The following STPG2 variants were observed in gnomAD, a reference collection of about 807,000 sequenced individuals.
The protein encoded by STPG2 is sperm tail PG-rich repeat containing 2, also known as sperm-tail PG-rich repeat-containing protein 2.
In STPG2, 56 loss-of-function variants were observed where a neutral mutation model predicts 54.2. The observed-to-expected ratio is 1.03, with a 90% confidence interval of 0.83 to 1.29. The LOEUF is 1.29. Ranked by LOEUF, STPG2 falls within the 50% of genes most tolerant of loss-of-function variation. The pLI, the probability that STPG2 is intolerant of heterozygous loss-of-function variation, is 0.00. For missense variants in STPG2, 596 were observed against 544.9 expected (o/e 1.09, Z -0.93); for synonymous variants, 200 against 181.8 (o/e 1.10, Z -0.81).
chr4:97,800,019 G>T (rs1317648783), intron 9 of STPG2, among the ~76,000 whole-genome samples: 1 of 152,112 alleles, frequency 6.6e-6, no homozygotes, highest in Admixed American at 6.5e-5. Context: ...TCGTGCCATG[G>T]TTTTCAGTTC....
At chr4:98,007,471 A>G (rs774334776) in intron 5 of STPG2, among the ~76,000 whole-genome samples, 14 of 152,200 alleles carry the variant, frequency 9.2e-5, no homozygotes, top group African/African-American at 1.2e-4. Context: ...TCCTGTCACA[A>G]TGGAAGTGAA....
chr4:97,521,780 C>A (rs759610547), intron 4 of STPG2, among the ~76,000 whole-genome samples: 1 of 151,712 alleles, frequency 6.6e-6, no homozygotes, highest in Non-Finnish European at 1.5e-5. Context: ...CTTCCATGTC[C>A]CAACTTAATT....
chr4:97,925,484 T>C (rs1238327041), intron 8 of STPG2, among the ~76,000 whole-genome samples: 1 of 152,230 alleles, frequency 6.6e-6, no homozygotes, highest in Non-Finnish European at 1.5e-5. Flanking sequence ...ATCATTTATC[T>C]AAAATCCTTT....
At chr4:98,084,790 T>C (rs11947027) in intron 5 of STPG2, among the ~76,000 whole-genome samples, 60,097 of 151,968 alleles carry the variant, frequency 0.4, 12,123 homozygotes, top group Middle Eastern at 0.46. Context: ...ATATTTTGCC[T>C]GTTTTTAATG....
intron 10 of STPG2, among the ~76,000 whole-genome samples, chr4:97,608,937 G>A (rs893438989): frequency 2.0e-5 from 3 of 151,954 alleles, no homozygotes; most frequent in Non-Finnish European, 4.4e-5. Context: ...ACAAACTCTA[G>A]AATTACAGCA....
At chr4:97,475,328 T>C (rs1165152449) in intron 4 of STPG2, among the ~76,000 whole-genome samples, 1 of 151,782 alleles carries the variant, frequency 6.6e-6, no homozygotes, top group Non-Finnish European at 1.5e-5. Context: ...CATTTACCCT[T>C]CCTCCAAATG....
intron 9 of STPG2, among the ~76,000 whole-genome samples, chr4:97,729,210 T>A (rs995517559): frequency 2.0e-5 from 3 of 152,024 alleles, no homozygotes; most frequent in Non-Finnish European, 2.9e-5. Flanking sequence ...AAGCATCTAT[T>A]ATCAACTTTT....
At chr4:97,531,748 G>A (rs564206004) in intron 4 of STPG2, among the ~76,000 whole-genome samples, 4 of 152,276 alleles carry the variant, frequency 2.6e-5, no homozygotes, top group Admixed American at 2.0e-4. Flanking sequence ...ATGTGGGAAT[G>A]GTCAATGGGT....
intron 5 of STPG2, among the ~76,000 whole-genome samples, chr4:98,098,280 C>T (rs937025541): frequency 6.6e-6 from 1 of 151,958 alleles, no homozygotes; most frequent in African/African-American, 2.4e-5. Context: ...GACATGTACA[C>T]TAACGAAACA....
chr4:97,813,014 C>T (rs915877664), intron 9 of STPG2, among the ~76,000 whole-genome samples: 1 of 152,062 alleles, frequency 6.6e-6, no homozygotes, highest in Admixed American at 6.6e-5. Context: ...CCCTCATTTC[C>T]ATACACATAC....
chr4:97,979,268 C>CGG (rs1553930982), intron 6 of STPG2, among the ~76,000 whole-genome samples: 1 of 151,872 alleles, frequency 6.6e-6, no homozygotes, highest in Non-Finnish European at 1.5e-5. Context: ...AAGGATGACT[C>CGG]AGCAGAACCA....
chr4:98,128,427 C>T lies in STPG2; in HGVS notation c.387+1G>A. The T allele has an allele frequency of 6.3e-7, 1 of 1,587,510 alleles. No individual in the cohort carries two copies. Among genetic ancestry groups the T allele is most frequent in the Non-Finnish European group, 8.5e-7 (1 of 1,171,090 alleles). On this transcript the variant is annotated splice_donor_variant, in intron 3 of 10. Coordinates refer to ENST00000295268, the MANE Select transcript of STPG2 (RefSeq NM_174952.3). LOFTEE classifies it high-confidence loss of function. ...GTCAATATGAAATACATTATACTTA[C>T]AAATTGAGGTTTGTAGTATGCTGGA...
intron 7 of STPG2, among the ~76,000 whole-genome samples, chr4:97,955,227 T>C (rs1312704251): frequency 6.6e-6 from 1 of 151,540 alleles, no homozygotes; most frequent in African/African-American, 2.4e-5. Context: ...TTTTTTTTTT[T>C]TTTTTGAGAC....
intron 8 of STPG2, among the ~76,000 whole-genome samples, chr4:97,877,445 A>T (rs1730218583): frequency 6.6e-6 from 1 of 152,204 alleles, no homozygotes; most frequent in South Asian, 2.1e-4. Flanking sequence ...ATTTATAAAG[A>T]AAAAGAAGTT....
At chr4:97,691,918 G>T (rs907670712) in intron 10 of STPG2, among the ~76,000 whole-genome samples, 1 of 152,112 alleles carries the variant, frequency 6.6e-6, no homozygotes, top group East Asian at 1.9e-4. Flanking sequence ...TAGCTTGACT[G>T]TGTGGTTAGA....
intron 7 of STPG2, among the ~76,000 whole-genome samples, chr4:97,951,947 A>G (rs1733488867): frequency 6.6e-6 from 1 of 152,028 alleles, no homozygotes; most frequent in South Asian, 2.1e-4. Context: ...AGAGAAGTAC[A>G]CTGAGGTCTT....
At chr4:98,097,965 T>C (rs78197017) in intron 5 of STPG2, among the ~76,000 whole-genome samples, 9,337 of 152,056 alleles carry the variant, frequency 0.061, 318 homozygotes, top group Middle Eastern at 0.096. Flanking sequence ...ATGAAAGAAA[T>C]TGAAGCAGAC....
chr4:97,712,004 G>A (rs980783875), intron 10 of STPG2, among the ~76,000 whole-genome samples: 29 of 151,894 alleles, frequency 1.9e-4, no homozygotes, highest in African/African-American at 6.5e-4. Flanking sequence ...AGAAAAACAT[G>A]TATTTAATAT....
intron 8 of STPG2, among the ~76,000 whole-genome samples, chr4:97,870,306 C>T (rs1400693999): frequency 6.6e-6 from 1 of 151,390 alleles, no homozygotes; most frequent in African/African-American, 2.4e-5. Context: ...ATAGAAACTA[C>T]ATATATTACT....
Sources: gnomAD v4.1 joint callset for allele counts (sites outside exome capture counted in the v4.1 genomes callset) on GRCh38, gnomAD v4.1.1 for gene constraint, MANE v1.5 for transcripts, NCBI Gene and HGNC (gene_info 2026-07-23, HGNC 2026-07-21) for gene names.